The following AAK1 variants were observed in gnomAD, a reference collection of about 807,000 sequenced individuals.
AAK1 encodes AP2-associated protein kinase 1.
Under a neutral mutation model 116.0 loss-of-function variants are expected in AAK1, and 37 were observed. The ratio of observed to expected loss-of-function variants is 0.32; its 90% CI spans 0.25 to 0.42. The LOEUF (loss-of-function observed/expected upper bound fraction) is 0.42, where lower values mean the gene tolerates loss of function less well. Among genes scored for constraint, AAK1 ranks in the 10% least tolerant of loss-of-function variants. AAK1 has a pLI of 1.00. For missense variants in AAK1, 919 were observed against 1,170.6 expected, an observed-to-expected ratio of 0.79 and a Z score of 3.14; for synonymous variants, 458 against 439.9, an observed-to-expected ratio of 1.04 and a Z score of -0.51.
intron 2 of AAK1, among the ~76,000 whole-genome samples, chr2:69,605,082 T>C (rs1280260411): frequency 6.6e-6 from 1 of 152,172 alleles, no homozygotes; most frequent in Non-Finnish European, 1.5e-5. Context: ...AGCCCCAGCA[T>C]GTGCCACACA....
chr2:69,596,106 G>A (rs1673268509), intron 2 of AAK1, among the ~76,000 whole-genome samples: 1 of 152,160 alleles, frequency 6.6e-6, no homozygotes. Flanking sequence ...ACTGCTCCTT[G>A]ACAATGCACC....
rs1194489028 is a variant in AAK1, at chr2:69,509,346, C to T, written c.1891G>A (p.Gly631Arg). Residue 631 changes from glycine (G) to arginine (R), a missense_variant, in exon 14 of 22, where the codon GGG becomes AGG. Transcript: ENST00000409085. ...ACGTCACTGAGAATACGCCTGTGCCCAGCACGTTGGGTTTTGGGGGATGAG... is the reference window on the plus strand; with the variant it reads ...ACGTCACTGAGAATACGCCTGTGCCTAGCACGTTGGGTTTTGGGGGATGAG... ...PPSSPKTQRA[G>R]HRRILSDVTH... 6.2e-7 allele frequency: 1 copy of T among 1,613,894 alleles called. No individual in the cohort carries two copies. The highest frequency in any genetic ancestry group is 8.5e-7 in the Non-Finnish European group (1 of 1,179,898).
intron 19 of AAK1, 125 bp from the exon 20 acceptor site, chr2:69,479,186 G>A (rs748791163): frequency 1.0e-4 from 67 of 664,240 alleles, no homozygotes; most frequent in South Asian, 6.0e-5. Flanking sequence ...AAGCCAAAGC[G>A]GGAGAATAAA....
chr2:69,541,230 T>C (rs1005004408), intron 5 of AAK1, among the ~76,000 whole-genome samples: 3 of 117,090 alleles, frequency 2.6e-5, no homozygotes, highest in Non-Finnish European at 4.6e-5. Flanking sequence ...TATACTTCTT[T>C]TTTTTTTTTT....
chr2:69,566,865 G>A (rs1334126922), intron 2 of AAK1, among the ~76,000 whole-genome samples: 7 of 152,246 alleles, frequency 4.6e-5, no homozygotes, highest in South Asian at 2.1e-4. Context: ...ACCAAGAAAG[G>A]GCCTTTCCAC....
intron 8 of AAK1, among the ~76,000 whole-genome samples, chr2:69,529,097 A>G (rs1033819730): frequency 2.0e-5 from 3 of 152,174 alleles, no homozygotes; most frequent in African/African-American, 7.2e-5. Flanking sequence ...AGTTACCTAC[A>G]TTTTCTCAGT....
At chr2:69,616,424 C>A (rs1674330909) in intron 2 of AAK1, among the ~76,000 whole-genome samples, 1 of 152,148 alleles carries the variant, frequency 6.6e-6, no homozygotes. Flanking sequence ...CCTGATTTTG[C>A]CATTTAACAA....
intron 8 of AAK1, 97 bp downstream of exon 8, chr2:69,529,911 T>C (rs1670183423): frequency 1.8e-6 from 2 of 1,091,454 alleles, no homozygotes; most frequent in Non-Finnish European, 2.5e-6. Flanking sequence ...TACCTTTGCA[T>C]CTAACTCATT....
chr2:69,630,696 T>C (rs547915078), intron 2 of AAK1, among the ~76,000 whole-genome samples: 1 of 152,352 alleles, frequency 6.6e-6, no homozygotes, highest in East Asian at 1.9e-4. Flanking sequence ...TCAATTCTCA[T>C]GCTTTTAAAC....
rs756139621 is a variant in AAK1 at position 69,468,977 on chromosome 2, AAC to A, written c.*6890_*6891del. 32 of 985,454 alleles carry A rather than the reference AAC, an allele frequency of 3.2e-5. No individual in the cohort carries two copies. The East Asian group carries it at 2.5e-3, about 77-fold the overall frequency. 61.0% of individuals were successfully genotyped at this position (985,454 alleles called of 1,614,324 possible). ...CCAACAACTTTGAATAATTTACAAA[AAC>A]AGTCACAAAAACACCAGAATATCAA... On this transcript the variant is annotated 3_prime_UTR_variant, in exon 22 of 22. Coordinates refer to ENST00000409085, the MANE Select transcript of AAK1 (RefSeq NM_014911.5).
chr2:69,606,841 G>A (rs993533453), intron 2 of AAK1, among the ~76,000 whole-genome samples: 2 of 152,202 alleles, frequency 1.3e-5, no homozygotes, highest in Non-Finnish European at 2.9e-5. Flanking sequence ...CTAAGCGGGA[G>A]GACTGCTTGA....
chr2:69,551,690 G>C (rs1310022636), intron 3 of AAK1, among the ~76,000 whole-genome samples: 1 of 152,122 alleles, frequency 6.6e-6, no homozygotes, highest in Non-Finnish European at 1.5e-5. Flanking sequence ...TACCCCTTTA[G>C]GTCTGAAGAT....
At chr2:69,519,331 C>G (rs1197335102) in intron 11 of AAK1, 91 bp from the exon 12 acceptor site, 2 of 1,448,094 alleles carry the variant, frequency 1.4e-6, no homozygotes, top group African/African-American at 2.9e-5. Flanking sequence ...TAGGGGGTGA[C>G]AAGTGTGCAG....
intron 2 of AAK1, among the ~76,000 whole-genome samples, chr2:69,587,979 T>G (rs1186937649): frequency 6.6e-6 from 1 of 151,986 alleles, no homozygotes; most frequent in Non-Finnish European, 1.5e-5. Flanking sequence ...TCCAGGCTGG[T>G]CTTGAACCCC....
Position 69,468,185 on chromosome 2 carries a change from A to C in AAK1, c.*7684T>G. 1.0e-6 allele frequency: 1 copy of C among 985,452 alleles called. No individual in the cohort carries two copies. The highest frequency in any genetic ancestry group is 1.2e-6 in the Non-Finnish European group (1 of 829,930). The allele number at this position is 985,452 out of a possible 1,614,324, so 61.0% of individuals were successfully genotyped here. On this transcript the variant is annotated 3_prime_UTR_variant, in exon 22 of 22. Transcript: ENST00000409085. ...AGCTACATGGTGATACGAAAGCATC[A>C]GTCAGTGGACAGGAAATAAACAGAA...
At chr2:69,549,386 A>T (rs1346716122) in intron 3 of AAK1, among the ~76,000 whole-genome samples, 2 of 152,132 alleles carry the variant, frequency 1.3e-5, no homozygotes, top group Admixed American at 1.3e-4. Context: ...AATAAATAAA[A>T]AGTAAAATAT....
rs1248148042 is a variant in AAK1, at chr2:69,461,594, A to C, written c.*14275T>G. 12 of 426,138 alleles carry C rather than the reference A, an allele frequency of 2.8e-5. No individual in the cohort carries two copies. Among genetic ancestry groups the C allele is most frequent in the South Asian group, 2.0e-4 (12 of 60,504 alleles). The allele number at this position is 426,138 out of a possible 1,614,324, so 26.4% of individuals were successfully genotyped here. A position where few individuals can be genotyped will look rare whatever the true frequency, so the allele number is the denominator to read the frequency against. ...CTCCACCCATCATGTCTCCAGTGAC[A>C]ATTTTTTTTTTTTTTTTGAGGCGGA... On this transcript the variant is annotated 3_prime_UTR_variant, in exon 22 of 22. Transcript: ENST00000409085.
At chr2:69,610,871 C>T (rs1412031708) in intron 2 of AAK1, among the ~76,000 whole-genome samples, 1 of 152,146 alleles carries the variant, frequency 6.6e-6, no homozygotes, top group Non-Finnish European at 1.5e-5. Context: ...CAGAAAATAA[C>T]AAGTTTTGGT....
intron 4 of AAK1, 59 bp downstream of exon 4, chr2:69,544,377 A>G (rs1419698894): frequency 7.2e-7 from 1 of 1,383,560 alleles, no homozygotes; most frequent in East Asian, 2.3e-5. Flanking sequence ...GACCACCCTA[A>G]CCATGACAAT....
Sources: gnomAD v4.1 joint callset for allele counts (sites outside exome capture counted in the v4.1 genomes callset) on GRCh38, gnomAD v4.1.1 for gene constraint, MANE v1.5 for transcripts, NCBI Gene and HGNC (gene_info 2026-07-23, HGNC 2026-07-21) for gene names.